The following GPD1L variants were observed in gnomAD, a reference collection of about 807,000 sequenced individuals.
GPD1L encodes the protein glycerol-3-phosphate dehydrogenase 1-like protein.
GPD1L carries 17 observed loss-of-function variants against 32.9 expected under a neutral mutation model. That is an observed-to-expected ratio of 0.52 (90% confidence interval 0.35 to 0.78). GPD1L has a LOEUF of 0.78. Ranked by LOEUF, GPD1L falls within the 30% of genes least tolerant of loss-of-function variation. The pLI is 0.01. For missense variants in GPD1L, 361 were observed against 447.8 expected (o/e 0.81, Z 1.75); for synonymous variants, 187 against 165.9 (o/e 1.13, Z -0.98).
chr3:32,121,577 ATATATATATTTCTATATATATATTTC>A (rs1700415512), intron 1 of GPD1L, among the ~76,000 whole-genome samples: 4 of 104,486 alleles, frequency 3.8e-5, no homozygotes, highest in African/African-American at 1.0e-4. Flanking sequence ...ATATATTTCT[ATATATATATTTCTATATATATATTTC>A]TATATATATT....
At chr3:32,115,335 G>T (rs1324662376) in intron 1 of GPD1L, among the ~76,000 whole-genome samples, 1 of 152,132 alleles carries the variant, frequency 6.6e-6, no homozygotes, top group Non-Finnish European at 1.5e-5. Context: ...GCTAGACACA[G>T]AGTGCTGATT....
intron 1 of GPD1L, among the ~76,000 whole-genome samples, chr3:32,117,399 G>C (rs1461581722): frequency 6.6e-6 from 1 of 152,174 alleles, no homozygotes; most frequent in East Asian, 1.9e-4. Context: ...GCTGTAGAGG[G>C]CCTAGAAACA....
intron 4 of GPD1L, 123 bp downstream of exon 4, chr3:32,140,489 G>A: frequency 8.9e-7 from 1 of 1,124,876 alleles, no homozygotes; most frequent in Non-Finnish European, 1.3e-6. Context: ...TCCTTAGTTG[G>A]GCATTCAGTG....
At chr3:32,158,848 C>A in intron 5 of GPD1L, 28 bp from the exon 6 acceptor site, 1 of 1,609,928 alleles carries the variant, frequency 6.2e-7, no homozygotes, top group Non-Finnish European at 8.5e-7. Flanking sequence ...GCTGTAACGG[C>A]ATCTGGGCTT....
chr3:32,162,814 G>A (rs1271712831), intron 7 of GPD1L, among the ~76,000 whole-genome samples: 2 of 152,000 alleles, frequency 1.3e-5, no homozygotes, highest in African/African-American at 4.8e-5. Flanking sequence ...AGGCTGGAGT[G>A]CAATGGTGCA....
At chr3:32,126,686 G>A (rs1700512615) in intron 1 of GPD1L, among the ~76,000 whole-genome samples, 1 of 152,234 alleles carries the variant, frequency 6.6e-6, no homozygotes, top group Admixed American at 6.5e-5. Context: ...CACAGGTACA[G>A]CTGCATAGCC....
In GPD1L at chr3:32,159,089, G is replaced by T. The variant is rs900845107; in HGVS notation, c.832G>T (p.Ala278Ser). ...YGGRNRRVAE[A>S]FARTGKTIEE... ...AGGGCGGAACCGCAGGGTGGCCGAG[G>T]CCTTCGCCAGAACTGGGAAGGTAGC... Residue 278 changes from alanine (A) to serine (S), a missense_variant, in exon 6 of 8, where the codon GCC (alanine) becomes TCC (serine). Transcript: ENST00000282541. 6.2e-7 allele frequency: 1 copy of T among 1,613,512 alleles called. No homozygotes were observed. The highest frequency in any genetic ancestry group is 1.3e-5 in the African/African-American group (1 of 74,916).
intron 2 of GPD1L, among the ~76,000 whole-genome samples, chr3:32,135,795 G>A (rs1457814082): frequency 6.6e-6 from 1 of 152,174 alleles, no homozygotes; most frequent in African/African-American, 2.4e-5. Context: ...AAAATGCTTT[G>A]TTGGAGGGGG....
rs1405731031 is a variant in GPD1L, at chr3:32,110,031, C to T, written c.47+3273C>T. Among the ~76,000 whole-genome samples the T allele has an allele frequency of 2.0e-5, 3 of 152,256 alleles. No homozygotes were observed. In the East Asian group the frequency reaches 5.8e-4, roughly 29 times the overall value. ...CTCGCGGGTTCACGCCATTCTCCTG[C>T]CTCAGCCTCCCAGGTAGCTGGGACT... On this transcript the variant is annotated intron_variant, in intron 1 of 7. Transcript: ENST00000282541.
At chr3:32,147,210 C>T (rs1700843202) in intron 5 of GPD1L, among the ~76,000 whole-genome samples, 1 of 106,732 alleles carries the variant, frequency 9.4e-6, no homozygotes, top group East Asian at 9.6e-4. Context: ...TGTCTTTGCC[C>T]TCAAGAGAGA....
chr3:32,155,705 T>C (rs1315749195), intron 5 of GPD1L, among the ~76,000 whole-genome samples: 1 of 152,230 alleles, frequency 6.6e-6, no homozygotes, highest in Non-Finnish European at 1.5e-5. Context: ...GGTGTCAATC[T>C]GTTGCCCCAG....
At chr3:32,117,528 A>G (rs1278286222) in intron 1 of GPD1L, among the ~76,000 whole-genome samples, 1 of 152,210 alleles carries the variant, frequency 6.6e-6, no homozygotes, top group East Asian at 1.9e-4. Context: ...AATGGTTTTC[A>G]GTAATTCTCA....
intron 1 of GPD1L, among the ~76,000 whole-genome samples, chr3:32,124,543 C>T (rs1247156526): frequency 6.6e-6 from 1 of 152,186 alleles, no homozygotes; most frequent in East Asian, 1.9e-4. Context: ...ATTCCAGAGG[C>T]ACAAAGGAAT....
chr3:32,135,908 C>A (rs1700654892), intron 2 of GPD1L, among the ~76,000 whole-genome samples: 1 of 152,090 alleles, frequency 6.6e-6, no homozygotes, highest in Non-Finnish European at 1.5e-5. Context: ...CTGGAGAAGC[C>A]CTTTCAAGAG....
chr3:32,149,933 A>C (rs958585491), intron 5 of GPD1L, among the ~76,000 whole-genome samples: 15 of 144,958 alleles, frequency 1.0e-4, no homozygotes, highest in African/African-American at 3.7e-4. Flanking sequence ...TGGGCGACAG[A>C]GTGAGACTCC....
chr3:32,138,096 G>A (rs1214479951), intron 2 of GPD1L, among the ~76,000 whole-genome samples: 1 of 152,194 alleles, frequency 6.6e-6, no homozygotes, highest in Non-Finnish European at 1.5e-5. Context: ...GGCAGAAGTG[G>A]CCCGAGGAGG....
At chr3:32,114,386 A>C (rs558422351) in intron 1 of GPD1L, among the ~76,000 whole-genome samples, 3 of 152,236 alleles carry the variant, frequency 2.0e-5, no homozygotes, top group Admixed American at 1.3e-4. Flanking sequence ...TTTCTAGTCC[A>C]TGTGTTCAGA....
rs1700699549 is a variant in GPD1L, at chr3:32,138,648, C to T, written c.287C>T (p.Pro96Leu). ...GCAGACCTGCTGGTGTTTGTCATTC[C>T]CCACCAGTTCATTCACAGAATCTGT... Reference protein sequence around the residue: ...QDADLLVFVIPHQFIHRICDE... With the variant: ...QDADLLVFVILHQFIHRICDE... Residue 96 changes from proline (P) to leucine (L), a missense_variant, in exon 3 of 8, where the codon CCC becomes CTC. Transcript: ENST00000282541. The T allele has an allele frequency of 1.2e-6, 2 of 1,613,582 alleles. No individual in the cohort carries two copies. The highest frequency in any genetic ancestry group is 1.3e-5 in the African/African-American group (1 of 74,980).
intron 2 of GPD1L, among the ~76,000 whole-genome samples, chr3:32,137,954 C>G (rs1700690293): frequency 6.6e-6 from 1 of 152,162 alleles, no homozygotes; most frequent in South Asian, 2.1e-4. Flanking sequence ...AAGCCATTAC[C>G]ACCCCTAAAA....
Sources: allele counts gnomAD v4.1 joint callset (sites outside exome capture counted in the v4.1 genomes callset), GRCh38; gene constraint gnomAD v4.1.1; transcripts MANE v1.5; gene names NCBI Gene and HGNC (gene_info 2026-07-23, HGNC 2026-07-21).